LRBA: variants seen among roughly 807,000 people sequenced by gnomAD.
LRBA encodes the protein lipopolysaccharide-responsive and beige-like anchor protein.
LRBA carries 176 observed loss-of-function variants against 330.0 expected under a neutral mutation model. The observed-to-expected ratio is 0.53, with a 90% CI of 0.47 to 0.60. The LOEUF is 0.60. Among genes scored for constraint, LRBA ranks in the 20% least tolerant of loss-of-function variants. The pLI, the probability that LRBA is intolerant of heterozygous loss-of-function variation, is 0.00. For missense variants in LRBA, 3,259 were observed against 3,444.8 expected, an observed-to-expected ratio of 0.95 and a Z score of 1.35; for synonymous variants, 1,230 against 1,193.0, an observed-to-expected ratio of 1.03 and a Z score of -0.64.
intron 40 of LRBA, among the ~76,000 whole-genome samples, chr4:150,493,857 C>T (rs1759251825): frequency 6.6e-6 from 1 of 152,096 alleles, no homozygotes; most frequent in Admixed American, 6.6e-5. Flanking sequence ...AATTGCTGAG[C>T]TTTGGGAGGC....
rs1731656280 is a variant in LRBA, at chr4:150,908,989, G to A, written c.1162-132C>T. 1.8e-5 allele frequency: 10 copies of A among 564,322 alleles called. No homozygotes were observed. In the South Asian group the frequency reaches 1.8e-4, roughly 10 times the overall value. 35.0% of individuals were successfully genotyped at this position (564,322 alleles called of 1,614,324 possible). A position where few individuals can be genotyped will look rare whatever the true frequency, so the allele number is the denominator to read the frequency against. On this transcript the variant is annotated intron_variant, in intron 9 of 56. Transcript: ENST00000651943. ...ACAGTATTATATAAGAGGACCCCTCGTTTACTTCTAAAATTGGCTGAATTT... is the reference window on the plus strand; with the variant it reads ...ACAGTATTATATAAGAGGACCCCTCATTTACTTCTAAAATTGGCTGAATTT...
At chr4:150,400,491 T>A (rs1249768531) in intron 47 of LRBA, among the ~76,000 whole-genome samples, 1 of 151,884 alleles carries the variant, frequency 6.6e-6, no homozygotes, top group Non-Finnish European at 1.5e-5. Flanking sequence ...GTGTAGAGCA[T>A]AATGGAATAA....
Position 150,602,662 on chromosome 4 carries a change from T to C in LRBA, c.5922-3531A>G, listed in dbSNP as rs369161614. ...AGGTTTTGGTCTTCAACTTACTTTC[T>C]TCACTCTCATTTAAGAAATACTGTT... On this transcript the variant is annotated intron_variant, in intron 37 of 56. Transcript: ENST00000651943. Among the ~76,000 whole-genome samples, 21 of 152,250 alleles carry C rather than the reference T, an allele frequency of 1.4e-4. 1 individual carries two copies. In the South Asian group the frequency reaches 4.2e-3, roughly 30 times the overall value.
chr4:150,989,634 T>C (rs1246086333), intron 2 of LRBA, among the ~76,000 whole-genome samples: 1 of 151,942 alleles, frequency 6.6e-6, no homozygotes, highest in Non-Finnish European at 1.5e-5. Context: ...CTCTATGAGA[T>C]AGAATCAGCC....
chr4:150,579,374 G>A (rs772369341), intron 40 of LRBA: 4 of 454,590 alleles, frequency 8.8e-6, no homozygotes, highest in African/African-American at 4.0e-5. Flanking sequence ...GGGTGGGGGA[G>A]GGGGGAGAAA....
intron 2 of LRBA, among the ~76,000 whole-genome samples, chr4:150,946,245 TAAAAG>T (rs1736232029): frequency 6.6e-6 from 1 of 152,192 alleles, no homozygotes; most frequent in African/African-American, 2.4e-5. Context: ...CAGAAAGGAT[TAAAAG>T]AACTCAATAA....
In LRBA at chr4:150,265,654, T is replaced by C. The variant is rs962155554; in HGVS notation, c.*68A>G. On this transcript the variant is annotated 3_prime_UTR_variant, in exon 57 of 57. Transcript: ENST00000651943. ...AAATTTAAGTTACATTCAGATGTGG[T>C]AGAAGAGAATGATGCTCCAGGTACT... The C allele has an allele frequency of 9.0e-6, 9 of 998,854 alleles. No homozygotes were observed. The highest frequency in any genetic ancestry group is 1.5e-5 in the Non-Finnish European group (9 of 620,590). The allele number at this position is 998,854 out of a possible 1,614,324, so 61.9% of individuals were successfully genotyped here. A position where few individuals can be genotyped will look rare whatever the true frequency, so the allele number is the denominator to read the frequency against.
intron 47 of LRBA, among the ~76,000 whole-genome samples, chr4:150,402,789 C>A (rs6839327): frequency 2.0e-4 from 29 of 141,888 alleles, no homozygotes; most frequent in African/African-American, 4.9e-4. Flanking sequence ...CTATCTCTCT[C>A]TATATATATA....
At chr4:150,858,571 C>T (rs1751502506) in intron 22 of LRBA, among the ~76,000 whole-genome samples, 1 of 152,074 alleles carries the variant, frequency 6.6e-6, no homozygotes, top group Non-Finnish European at 1.5e-5. Flanking sequence ...CTTTCATCAC[C>T]CAGACTGAAG....
chr4:150,621,782 T>C (rs1581838139), intron 37 of LRBA, among the ~76,000 whole-genome samples: 2 of 152,264 alleles, frequency 1.3e-5, no homozygotes, highest in Admixed American at 1.3e-4. Flanking sequence ...TTTCCTATTA[T>C]GTATTTCTCT....
chr4:150,937,037 CA>C (rs538843051), intron 2 of LRBA, among the ~76,000 whole-genome samples: 1 of 151,696 alleles, frequency 6.6e-6, no homozygotes, highest in Non-Finnish European at 1.5e-5. Flanking sequence ...AAGTAATTTC[CA>C]AAAAAAGCCC....
chr4:150,964,434 G>A (rs1450365304), intron 2 of LRBA, among the ~76,000 whole-genome samples: 3 of 149,734 alleles, frequency 2.0e-5, no homozygotes, highest in Non-Finnish European at 4.4e-5. Flanking sequence ...TTGTGTCTGT[G>A]TGGAAAGAAG....
intron 53 of LRBA, among the ~76,000 whole-genome samples, chr4:150,293,292 G>T (rs183687647): frequency 3.3e-5 from 5 of 152,144 alleles, no homozygotes; most frequent in Admixed American, 6.5e-5. Context: ...TTGCTAAAGC[G>T]GAAATGAGCT....
intron 41 of LRBA, among the ~76,000 whole-genome samples, chr4:150,489,071 TTATATATA>T (rs1486759518): frequency 1.1e-5 from 1 of 94,400 alleles, no homozygotes; most frequent in African/African-American, 4.9e-5. Context: ...ATATAATATA[TTATATATA>T]ATATTATATA....
At chr4:150,935,847 G>C (rs1191086452) in intron 2 of LRBA, among the ~76,000 whole-genome samples, 1 of 151,726 alleles carries the variant, frequency 6.6e-6, no homozygotes, top group South Asian at 2.1e-4. Context: ...AAAAAATTAA[G>C]ACTGAATCCT....
chr4:150,424,257 C>T (rs971180421), intron 46 of LRBA, among the ~76,000 whole-genome samples: 3 of 152,112 alleles, frequency 2.0e-5, no homozygotes, highest in Admixed American at 6.5e-5. Context: ...CTACTGTCAT[C>T]GATAGGGTCT....
At chr4:150,486,544 A>T (rs933761162) in intron 42 of LRBA, among the ~76,000 whole-genome samples, 11 of 151,958 alleles carry the variant, frequency 7.2e-5, no homozygotes, top group African/African-American at 2.7e-4. Context: ...ATATATTCAT[A>T]TTTCAGACTA....
chr4:150,659,083 G>A (rs1489955798), intron 37 of LRBA, among the ~76,000 whole-genome samples: 2 of 137,322 alleles, frequency 1.5e-5, no homozygotes, highest in East Asian at 4.7e-4. Context: ...ACACCTCCCA[G>A]CCGCCTGCCT....
At chr4:150,366,810 G>C (rs1375421195) in intron 47 of LRBA, among the ~76,000 whole-genome samples, 1 of 152,174 alleles carries the variant, frequency 6.6e-6, no homozygotes, top group Non-Finnish European at 1.5e-5. Context: ...GAGCTATTTA[G>C]CTGATGGTCC....
Sources: gnomAD v4.1 joint callset for allele counts (sites outside exome capture counted in the v4.1 genomes callset) on GRCh38, gnomAD v4.1.1 for gene constraint, MANE v1.5 for transcripts, NCBI Gene and HGNC (gene_info 2026-07-23, HGNC 2026-07-21) for gene names.